The following FRG1 variants were observed in gnomAD, a reference collection of about 807,000 sequenced individuals.
The protein encoded by FRG1 is FSHD region gene 1, also known as protein FRG1.
A neutral mutation model predicts 37.0 loss-of-function variants in FRG1; 19 were observed. The ratio of observed to expected loss-of-function variants is 0.51; its 90% CI spans 0.36 to 0.75. The LOEUF (loss-of-function observed/expected upper bound fraction) is 0.75. Ranked by LOEUF, FRG1 falls within the 30% of genes least tolerant of loss-of-function variation. FRG1 has a pLI of 0.00. For synonymous variants in FRG1, 73 were observed against 96.5 expected (o/e 0.76, Z 1.43); for missense variants, 243 against 301.4 (o/e 0.81, Z 1.44).
At chr4:189,953,389 A>G (rs1339450048) in intron 4 of FRG1, among the ~76,000 whole-genome samples, 1 of 152,176 alleles carries the variant, frequency 6.6e-6, no homozygotes, top group African/African-American at 2.4e-5. Flanking sequence ...TGAATCAAAT[A>G]GTACAAAACC....
chr4:189,942,986 G>A (rs969158828), intron 1 of FRG1, among the ~76,000 whole-genome samples: 4 of 152,192 alleles, frequency 2.6e-5, no homozygotes, highest in Non-Finnish European at 5.9e-5. Flanking sequence ...AAATCTGGCA[G>A]TGTGGCTCTA....
chr4:189,947,175 C>T (rs1240657262), intron 2 of FRG1, among the ~76,000 whole-genome samples: 1 of 152,198 alleles, frequency 6.6e-6, no homozygotes, highest in Admixed American at 6.5e-5. Context: ...GTTAGATCAA[C>T]TGGTAGAGCT....
At chr4:189,953,997 T>C (rs1434347786) in intron 4 of FRG1, among the ~76,000 whole-genome samples, 1 of 152,076 alleles carries the variant, frequency 6.6e-6, no homozygotes, top group Non-Finnish European at 1.5e-5. Flanking sequence ...TTGTATAGAA[T>C]TCATAGCACT....
At chr4:189,948,700 G>GTTTTTTTTTTTTTTT (rs1037948368) in intron 2 of FRG1, among the ~76,000 whole-genome samples, 1 of 52,818 alleles carries the variant, frequency 1.9e-5, no homozygotes, top group Admixed American at 1.9e-4. Flanking sequence ...TTTTTGTTTT[G>GTTTTTTTTTTTTTTT]TTTTTTTTGA....
intron 6 of FRG1, 63 bp from the exon 7 acceptor site, chr4:189,960,685 C>T (rs11940164): frequency 1.5e-5 from 19 of 1,301,854 alleles, no homozygotes; most frequent in Middle Eastern, 2.8e-4. Context: ...TTATGTGATA[C>T]GTAAAGTGGG....
At chr4:189,952,071 A>AG in intron 2 of FRG1, 91 bp from the exon 3 acceptor site, 1 of 887,376 alleles carries the variant, frequency 1.1e-6, no homozygotes, top group Non-Finnish European at 1.7e-6. Flanking sequence ...CTGCAAAATA[A>AG]GAAGTTTTTA....
intron 2 of FRG1, among the ~76,000 whole-genome samples, chr4:189,944,220 A>G (rs1200554321): frequency 6.6e-6 from 1 of 152,140 alleles, no homozygotes; most frequent in African/African-American, 2.4e-5. Context: ...TCTGTCTCCC[A>G]AGCTGGAATG....
rs534804085 is a variant in FRG1 at position 189,963,095 on chromosome 4, G to T, written c.743G>T (p.Arg248Ile). ...GFLHETLLDR[R>I]AKLKADRYCK ...TTTATTTTTCTTTGTTTAAACAGGA[G>T]AGCCAAATTGAAAGCCGACAGATAC... Residue 248 changes from arginine to isoleucine, a missense_variant and splice_region_variant, in exon 9 of 9, where the codon AGA becomes ATA. By Grantham distance (97) the Arg-to-Ile change is moderately conservative. Coordinates refer to ENST00000226798, the MANE Select transcript of FRG1 (RefSeq NM_004477.3). 6.2e-7 allele frequency: 1 copy of T among 1,609,414 alleles called. No homozygotes were observed. Among genetic ancestry groups the T allele is most frequent in the Admixed American group, 1.7e-5 (1 of 59,782 alleles).
At chr4:189,946,765 T>C (rs1433533644) in intron 2 of FRG1, among the ~76,000 whole-genome samples, 1 of 152,248 alleles carries the variant, frequency 6.6e-6, no homozygotes, top group Non-Finnish European at 1.5e-5. Flanking sequence ...ATTTATAGTA[T>C]AGTTGGAGAA....
At chr4:189,958,989 T>A (rs201348934) in intron 6 of FRG1, among the ~76,000 whole-genome samples, 1 of 151,902 alleles carries the variant, frequency 6.6e-6, no homozygotes, top group Non-Finnish European at 1.5e-5. Context: ...TGTAAGGCAT[T>A]GTGGGGGCCA....
intron 8 of FRG1, 107 bp from the exon 9 acceptor site, chr4:189,962,986 A>G: frequency 4.9e-6 from 3 of 612,416 alleles, no homozygotes; most frequent in Non-Finnish European, 8.4e-6. Context: ...TGTTGTGGTA[A>G]TAACCAAAAT....
chr4:189,944,663 T>C (rs992138889), intron 2 of FRG1, among the ~76,000 whole-genome samples: 3 of 152,250 alleles, frequency 2.0e-5, no homozygotes, highest in Non-Finnish European at 4.4e-5. Context: ...ACCACTGGTG[T>C]TTCCTTTTTC....
chr4:189,960,434 TGGA>T (rs1737178524), intron 6 of FRG1, among the ~76,000 whole-genome samples: 1 of 152,226 alleles, frequency 6.6e-6, no homozygotes, highest in Admixed American at 6.5e-5. Flanking sequence ...TGTATTCACT[TGGA>T]GGACAAAATT....
At chr4:189,948,787 C>G (rs570628367) in intron 2 of FRG1, among the ~76,000 whole-genome samples, 7 of 152,416 alleles carry the variant, frequency 4.6e-5, no homozygotes, top group Non-Finnish European at 7.3e-5. Flanking sequence ...ACCTCGTAGG[C>G]TCAAGCAATC....
chr4:189,950,503 C>T (rs1736708147), intron 2 of FRG1, among the ~76,000 whole-genome samples: 1 of 152,104 alleles, frequency 6.6e-6, no homozygotes, highest in African/African-American at 2.4e-5. Context: ...TTAGCTCTTA[C>T]ATTTAGGTCT....
At chr4:189,953,666 A>G (rs1341833375) in intron 4 of FRG1, among the ~76,000 whole-genome samples, 20 of 152,120 alleles carry the variant, frequency 1.3e-4, no homozygotes, top group Admixed American at 1.3e-3. Flanking sequence ...CATCAATATG[A>G]TAATGATTTC....
intron 2 of FRG1, among the ~76,000 whole-genome samples, chr4:189,950,639 T>G (rs1187443695): frequency 2.0e-5 from 3 of 152,192 alleles, no homozygotes; most frequent in African/African-American, 7.2e-5. Context: ...AATAGAAAAT[T>G]TTGTGCAGTG....
At position 189,943,499 on chromosome 4, in the gene FRG1, A is replaced by G. The variant is rs143795714; in HGVS notation, c.133+227A>G. Among the ~76,000 whole-genome samples the G allele has an allele frequency of 5.6e-4, 86 of 152,340 alleles. 1 individual carries two copies. In the East Asian group the frequency reaches 0.015, roughly 27 times the overall value. Reference sequence around the variant, plus strand: ...ATTATAACTCTCTGACTTAGTAGGCACCATTAGACTGCTTAATAGCCAGAG... The same window carrying G: ...ATTATAACTCTCTGACTTAGTAGGCGCCATTAGACTGCTTAATAGCCAGAG... On this transcript the variant is annotated intron_variant, in intron 2 of 8. Transcript: ENST00000226798.
At chr4:189,941,119 C>T (rs1343445232) in intron 1 of FRG1, 48 bp downstream of exon 1, 1 of 1,524,016 alleles carries the variant, frequency 6.6e-7, no homozygotes, top group South Asian at 1.1e-5. Context: ...TTTTCGGACG[C>T]ACTCCACCCC....
Sources: allele counts gnomAD v4.1 joint callset (sites outside exome capture counted in the v4.1 genomes callset), GRCh38; gene constraint gnomAD v4.1.1; transcripts MANE v1.5; gene names NCBI Gene and HGNC (gene_info 2026-07-23, HGNC 2026-07-21).